Variants in MEIS1 observed in about 807,000 individuals in gnomAD.
The protein encoded by MEIS1 is homeobox protein Meis1.
A neutral mutation model predicts 50.8 loss-of-function variants in MEIS1; 5 were observed. The observed-to-expected ratio is 0.10, with a 90% confidence interval of 0.05 to 0.21. MEIS1 has a LOEUF of 0.21. MEIS1 is among the 10% of genes least tolerant of loss of function. MEIS1 has a pLI of 1.00. For synonymous variants in MEIS1, 176 were observed against 179.3 expected, an observed-to-expected ratio of 0.98 and a Z score of 0.15; for missense variants, 318 against 517.3, an observed-to-expected ratio of 0.61 and a Z score of 3.74.
At chr2:66,482,713 A>G (rs578214780) in intron 7 of MEIS1, among the ~76,000 whole-genome samples, 6 of 152,200 alleles carry the variant, frequency 3.9e-5, no homozygotes, top group Admixed American at 3.3e-4. Context: ...CCCTGTCCTC[A>G]AGGAATTGGT....
intron 6 of MEIS1, among the ~76,000 whole-genome samples, chr2:66,444,716 T>A (rs527595220): frequency 5.0e-4 from 76 of 152,302 alleles, no homozygotes; most frequent in African/African-American, 1.8e-3. Flanking sequence ...GCCCGGGAGC[T>A]GTTGAGTGCC....
intron 9 of MEIS1, among the ~76,000 whole-genome samples, chr2:66,551,843 G>T (rs984048640): frequency 6.6e-6 from 1 of 151,864 alleles, no homozygotes; most frequent in South Asian, 2.1e-4. Context: ...ATAAATAATA[G>T]CATCAGGGGC....
intron 5 of MEIS1, among the ~76,000 whole-genome samples, chr2:66,442,247 T>G (rs1672005588): frequency 6.7e-6 from 1 of 149,708 alleles, no homozygotes; most frequent in Non-Finnish European, 1.5e-5. Flanking sequence ...TTAAATATTT[T>G]GAGGCATTCC....
At chr2:66,509,986 G>A (rs563196327) in intron 7 of MEIS1, among the ~76,000 whole-genome samples, 4 of 152,128 alleles carry the variant, frequency 2.6e-5, no homozygotes, top group Non-Finnish European at 5.9e-5. Flanking sequence ...TTTTTTTAAA[G>A]GTGGAAAATA....
chr2:66,492,115 G>T (rs1276128488), intron 7 of MEIS1, among the ~76,000 whole-genome samples: 1 of 149,730 alleles, frequency 6.7e-6, no homozygotes, highest in Non-Finnish European at 1.5e-5. Flanking sequence ...GGGTGTGAGC[G>T]AGGAATTCCT....
At chr2:66,480,258 A>G (rs1475052462) in intron 7 of MEIS1, among the ~76,000 whole-genome samples, 2 of 152,224 alleles carry the variant, frequency 1.3e-5, no homozygotes, top group Non-Finnish European at 2.9e-5. Flanking sequence ...TGTGTTCTCA[A>G]AGAGTTCTGA....
chr2:66,483,933 A>G (rs986115668), intron 7 of MEIS1, among the ~76,000 whole-genome samples: 1 of 152,180 alleles, frequency 6.6e-6, no homozygotes, highest in African/African-American at 2.4e-5. Flanking sequence ...ATCTGGTCAC[A>G]ATAACCTTTG....
chr2:66,525,261 C>T (rs1406448358), intron 8 of MEIS1, among the ~76,000 whole-genome samples: 1 of 152,032 alleles, frequency 6.6e-6, no homozygotes, highest in East Asian at 1.9e-4. Flanking sequence ...AAACAGTGCT[C>T]TTTAAGCTAT....
rs1572902187 is a variant in MEIS1, at chr2:66,556,837, G to T, written c.965+8818G>T. Among the ~76,000 whole-genome samples, 4 of 144,394 alleles carry T rather than the reference G, an allele frequency of 2.8e-5. No homozygotes were observed. The South Asian group carries it at 9.5e-4, about 34-fold the overall frequency. The allele number at this position is 144,394 out of a possible 152,430, so 94.7% of individuals were successfully genotyped here. A position where few individuals can be genotyped will look rare whatever the true frequency, so the allele number is the denominator to read the frequency against. On this transcript the variant is annotated intron_variant, in intron 9 of 12. Transcript: ENST00000272369. ...GATATAGGATCTCAGCCCCCTGGCT[G>T]GTTACCTGACAATACTGTTTACAGA...
At chr2:66,489,678 C>T (rs1178297176) in intron 7 of MEIS1, among the ~76,000 whole-genome samples, 2 of 152,132 alleles carry the variant, frequency 1.3e-5, no homozygotes, top group Non-Finnish European at 2.9e-5. Context: ...TGCTAGTTTG[C>T]CATATGCTAT....
At chr2:66,514,450 T>C (rs1017701148) in intron 8 of MEIS1, among the ~76,000 whole-genome samples, 3 of 152,218 alleles carry the variant, frequency 2.0e-5, no homozygotes, top group African/African-American at 7.2e-5. Context: ...GTAATCGAAA[T>C]TATTCATGAA....
chr2:66,488,056 A>G (rs1673183983), intron 7 of MEIS1, among the ~76,000 whole-genome samples: 1 of 152,238 alleles, frequency 6.6e-6, no homozygotes, highest in Non-Finnish European at 1.5e-5. Context: ...TTGCATACAA[A>G]TATGGCTGAA....
intron 7 of MEIS1, among the ~76,000 whole-genome samples, chr2:66,511,540 A>G (rs1001047431): frequency 1.3e-5 from 2 of 152,222 alleles, no homozygotes; most frequent in Non-Finnish European, 2.9e-5. Context: ...TTTTTAATTA[A>G]GAAACTATGT....
At chr2:66,496,163 G>A (rs1673397464) in intron 7 of MEIS1, 1 of 152,176 alleles carries the variant, frequency 6.6e-6, no homozygotes, top group Admixed American at 6.5e-5. Context: ...TAATTCCTTG[G>A]TTTCTGTGAC....
At chr2:66,505,421 A>G (rs774120868) in intron 7 of MEIS1, among the ~76,000 whole-genome samples, 12 of 152,322 alleles carry the variant, frequency 7.9e-5, no homozygotes, top group Non-Finnish European at 1.0e-4. Flanking sequence ...AAAGGAAAAA[A>G]GAAAAGACTT....
intron 6 of MEIS1, among the ~76,000 whole-genome samples, chr2:66,458,058 A>G: frequency 6.6e-6 from 1 of 152,188 alleles, no homozygotes; most frequent in East Asian, 1.9e-4. Flanking sequence ...ATCAGTTTCT[A>G]CGTAGCTGCT....
At chr2:66,533,377 G>T (rs1306217100) in intron 8 of MEIS1, among the ~76,000 whole-genome samples, 2 of 152,086 alleles carry the variant, frequency 1.3e-5, no homozygotes, top group Non-Finnish European at 2.9e-5. Flanking sequence ...GCCTTAGTCA[G>T]TCCCCGAGGG....
intron 7 of MEIS1, among the ~76,000 whole-genome samples, chr2:66,500,940 G>T (rs944210523): frequency 6.6e-6 from 1 of 152,042 alleles, no homozygotes; most frequent in Non-Finnish European, 1.5e-5. Flanking sequence ...AAAAATAAAT[G>T]TTGTCTTTGT....
At chr2:66,489,663 C>T (rs528117175) in intron 7 of MEIS1, among the ~76,000 whole-genome samples, 1 of 152,124 alleles carries the variant, frequency 6.6e-6, no homozygotes, top group Non-Finnish European at 1.5e-5. Context: ...AGATAAACTG[C>T]CTACTGCTAG....
Sources: allele counts gnomAD v4.1 joint callset (sites outside exome capture counted in the v4.1 genomes callset), GRCh38; gene constraint gnomAD v4.1.1; transcripts MANE v1.5; gene names NCBI Gene and HGNC (gene_info 2026-07-23, HGNC 2026-07-21).